The following DNAH10 variants were observed in gnomAD, a reference collection of about 807,000 sequenced individuals.
DNAH10 encodes axonemal beta dynein heavy chain 10.
In DNAH10, 348 loss-of-function variants were observed where a neutral mutation model predicts 506.6. That is an observed-to-expected ratio of 0.69 (90% CI 0.63 to 0.75). DNAH10 has a LOEUF of 0.75. Among genes scored for constraint, DNAH10 ranks in the 30% least tolerant of loss-of-function variants. The probability of loss-of-function intolerance (pLI) is 0.00; values close to 1 mark genes in which losing one functional copy is unlikely to be tolerated. For synonymous variants in DNAH10, 2,059 were observed against 2,198.6 expected (o/e 0.94, Z 1.78); for missense variants, 5,179 against 5,787.1 (o/e 0.89, Z 3.41).
intron 32 of DNAH10, among the ~76,000 whole-genome samples, chr12:123,847,371 T>A (rs1951003348): frequency 6.7e-6 from 1 of 148,982 alleles, no homozygotes; most frequent in African/African-American, 2.4e-5. Flanking sequence ...TAGGAGGAGA[T>A]TTATTATGAG....
intron 35 of DNAH10, among the ~76,000 whole-genome samples, chr12:123,852,808 A>G (rs1037762374): frequency 6.6e-6 from 1 of 152,064 alleles, no homozygotes; most frequent in Non-Finnish European, 1.5e-5. Context: ...TCTTGACCTC[A>G]GGTGATCCAC....
chr12:123,763,357 GCCT>G (rs1317690272), intron 1 of DNAH10, among the ~76,000 whole-genome samples: 1 of 151,634 alleles, frequency 6.6e-6, no homozygotes, highest in Non-Finnish European at 1.5e-5. Context: ...CTCGAAAGCC[GCCT>G]CCTCGCAGGA....
intron 57 of DNAH10, among the ~76,000 whole-genome samples, chr12:123,905,408 C>G (rs1013137237): frequency 6.6e-6 from 1 of 152,218 alleles, no homozygotes; most frequent in Non-Finnish European, 1.5e-5. Context: ...TGCTGGGTCC[C>G]AGGGTGTAGG....
chr12:123,880,971 G>T (rs1442950636), intron 50 of DNAH10, among the ~76,000 whole-genome samples: 1 of 151,930 alleles, frequency 6.6e-6, no homozygotes, highest in African/African-American at 2.4e-5. Context: ...CCCTACAAAG[G>T]ACATGAACTC....
At position 123,879,667 on chromosome 12, in the gene DNAH10, C is replaced by T. The variant is rs200224633; in HGVS notation, c.8500C>T (p.His2834Tyr). ...QQHIGSLVVE[H>Y]FKDDVEVVMR... ...GCACATAGGCAGCTTGGTTGTGGAA[C>T]ATTTTAAAGATGACGTGGAGGTGGT... The change falls in exon 50 of 79, where the codon CAT becomes TAT. Residue 2834 changes from histidine (H) to tyrosine (Y), a missense_variant. Coordinates refer to ENST00000673944, the MANE Select transcript of DNAH10 (RefSeq NM_001372106.1). The T allele has an allele frequency of 5.6e-6, 9 of 1,613,998 alleles. No homozygotes were observed. In the East Asian group the frequency reaches 1.6e-4, roughly 28 times the overall value.
intron 53 of DNAH10, among the ~76,000 whole-genome samples, chr12:123,893,699 C>T (rs1312074968): frequency 3.3e-5 from 5 of 152,224 alleles, no homozygotes; most frequent in Non-Finnish European, 7.3e-5. Context: ...CTCCCCGCTT[C>T]CTTCCATTTG....
intron 46 of DNAH10, among the ~76,000 whole-genome samples, chr12:123,874,716 G>A (rs557949830): frequency 6.6e-6 from 1 of 152,246 alleles, no homozygotes; most frequent in East Asian, 1.9e-4. Flanking sequence ...GTTAAATGAA[G>A]AAAGGACAAA....
Position 123,871,514 on chromosome 12 carries a change from A to G in DNAH10, c.7697A>G (p.Lys2566Arg), listed in dbSNP as rs1238702083. Residue 2566 changes from lysine (K) to arginine (R), a missense_variant, in exon 45 of 79, where the codon AAG (lysine) becomes AGG (arginine). Coordinates refer to ENST00000673944, the MANE Select transcript of DNAH10 (RefSeq NM_001372106.1). ...TWILEQMVKIKQPVIFVGESG... is the reference protein window; with the variant it reads ...TWILEQMVKIRQPVIFVGESG... ...ATATTGGAACAAATGGTTAAAATTA[A>G]GCAACCTGTTATTTTTGTTGGTGAA... The G allele has an allele frequency of 1.9e-6, 3 of 1,563,770 alleles. No homozygotes were observed. In the South Asian group the frequency reaches 3.5e-5, roughly 18 times the overall value.
chr12:123,867,773 C>A, intron 42 of DNAH10, 130 bp from the exon 43 acceptor site: 1 of 1,317,494 alleles, frequency 7.6e-7, no homozygotes, highest in Non-Finnish European at 1.0e-6. Flanking sequence ...TGGGTTCCAT[C>A]TGTCTGAACC....
chr12:123,921,210 G>A (rs771370256), intron 65 of DNAH10, among the ~76,000 whole-genome samples: 113 of 152,172 alleles, frequency 7.4e-4, no homozygotes, highest in Non-Finnish European at 1.4e-3. Context: ...CTTTTCTCAT[G>A]AGACTTTAGG....
At chr12:123,795,572 C>A (rs1303050035) in intron 12 of DNAH10, among the ~76,000 whole-genome samples, 1 of 152,182 alleles carries the variant, frequency 6.6e-6, no homozygotes, top group Non-Finnish European at 1.5e-5. Flanking sequence ...GTTTTAGGAC[C>A]CTTGTGATTA....
At position 123,914,396 on chromosome 12, in the gene DNAH10, G is replaced by A. The variant is rs373563169; in HGVS notation, c.10420G>A (p.Ala3474Thr). The change falls in exon 61 of 79, where the codon GCG (alanine) becomes ACG (threonine). Residue 3474 changes from alanine (A) to threonine (T), a missense_variant. Ala to Thr is a moderately conservative substitution (Grantham distance 58). Transcript: ENST00000673944. The stretch of plus-strand genomic sequence containing the variant: ...GCTGCTGGGGGACTGCCTGCTCTGC[G>A]CGGCTTTCCTCAGCTACGAGGGAGC... ...VKLLGDCLLC[A>T]AFLSYEGAFT... The A allele has an allele frequency of 7.1e-5, 114 of 1,613,492 alleles. 1 individual carries two copies. The highest frequency in any genetic ancestry group is 6.7e-5 in the East Asian group (3 of 44,890).
At chr12:123,864,753 T>A in intron 40 of DNAH10, 23 bp downstream of exon 40, 1 of 1,588,692 alleles carries the variant, frequency 6.3e-7, no homozygotes, top group Non-Finnish European at 8.5e-7. Flanking sequence ...TAAAAGTAAA[T>A]TTGAACATAA....
Position 123,914,869 on chromosome 12 carries a change from T to C in DNAH10, c.10592T>C (p.Leu3531Pro). ...TCTTCCAGATGGGGATCCCAGGGCC[T>C]TCCCCCCGATGAGCTCTCCGTTCAG... ...VEISRWGSQG[L>P]PPDELSVQNG... Residue 3531 changes from leucine (L) to proline (P), a missense_variant, in exon 62 of 79, where the codon CTT becomes CCT. Physicochemically the swap from Leu to Pro is moderately conservative, Grantham distance 98 (BLOSUM62 -3). This residue lies in a region of DNAH10 where 4,844 missense variants were observed against 5,430.5 expected (regional missense o/e 0.89). Transcript: ENST00000673944. 1 of 1,613,546 alleles carries C rather than the reference T, an allele frequency of 6.2e-7. No individual in the cohort carries two copies. The highest frequency in any genetic ancestry group is 1.1e-5 in the South Asian group (1 of 91,014).
chr12:123,820,903 G>A (rs1179753105), intron 24 of DNAH10, 145 bp downstream of exon 24: 2 of 891,560 alleles, frequency 2.2e-6, no homozygotes, highest in Admixed American at 2.6e-5. Context: ...AGGGAAGGGG[G>A]ATGGGGAGTG....
intron 26 of DNAH10, among the ~76,000 whole-genome samples, chr12:123,832,824 C>A (rs187498727): frequency 6.6e-6 from 1 of 152,146 alleles, no homozygotes; most frequent in African/African-American, 2.4e-5. Context: ...TGTCTGAGCC[C>A]CAGTTGCCAT....
chr12:123,921,691 G>GTTTTTTTTTTTT (rs35553163), intron 65 of DNAH10, among the ~76,000 whole-genome samples: 8 of 62,884 alleles, frequency 1.3e-4, no homozygotes, highest in South Asian at 8.7e-4. Flanking sequence ...GTAGCTTGCA[G>GTTTTTTTTTTTT]TTTTTTTTTT....
chr12:123,802,222 A>G (rs1425185729), intron 16 of DNAH10, among the ~76,000 whole-genome samples: 1 of 152,224 alleles, frequency 6.6e-6, no homozygotes, highest in Non-Finnish European at 1.5e-5. Flanking sequence ...GTTTTGTGTG[A>G]CAGGAGTCTT....
At chr12:123,929,539 C>A in intron 71 of DNAH10, 55 bp downstream of exon 71, 1 of 1,587,162 alleles carries the variant, frequency 6.3e-7, no homozygotes, top group Non-Finnish European at 8.6e-7. Context: ...CCACTTCCTC[C>A]CGACTTTCCT....
Sources: gnomAD v4.1 joint callset for allele counts (sites outside exome capture counted in the v4.1 genomes callset) on GRCh38, gnomAD v4.1.1 for gene constraint, gnomAD v4.1.1 regional missense constraint, MANE v1.5 for transcripts, NCBI Gene and HGNC (gene_info 2026-07-23, HGNC 2026-07-21) for gene names.